THADA: variants seen among roughly 807,000 people sequenced by gnomAD.
THADA encodes the protein tRNA (32-2'-O)-methyltransferase regulator THADA.
THADA carries 213 observed loss-of-function variants against 219.8 expected under a neutral mutation model. The observed-to-expected ratio is 0.97, with a 90% CI of 0.87 to 1.09. THADA has a LOEUF of 1.09. Ranked by LOEUF, THADA falls within the 50% of genes least tolerant of loss-of-function variation. THADA has a pLI of 0.00. For missense variants in THADA, 2,956 were observed against 2,311.3 expected (o/e 1.28, Z -5.72); for synonymous variants, 1,018 against 828.9 (o/e 1.23, Z -3.92).
chr2:43,256,299 C>A (rs528263836), intron 36 of THADA, among the ~76,000 whole-genome samples: 1 of 151,890 alleles, frequency 6.6e-6, no homozygotes, highest in South Asian at 2.1e-4. Flanking sequence ...CACTTGAGCA[C>A]AGGAGTTTGA....
rs576480382 is a variant in THADA, at chr2:43,403,827, C to G, written c.4059-5688G>C. 9.7e-4 allele frequency among the ~76,000 whole-genome samples: 147 copies of G among 152,142 alleles called. 1 individual carries two copies. The highest frequency in any genetic ancestry group is 3.3e-3 in the African/African-American group (139 of 41,524). ...TATGTCTGACCCTGACCCCACACCCCCAACACACCCCCTAAAACCTCTCAC... is the reference window on the plus strand; with the variant it reads ...TATGTCTGACCCTGACCCCACACCCGCAACACACCCCCTAAAACCTCTCAC... On this transcript the variant is annotated intron_variant, in intron 28 of 37. Transcript: ENST00000405975.
intron 31 of THADA, among the ~76,000 whole-genome samples, chr2:43,314,341 G>A (rs1677839101): frequency 2.0e-5 from 3 of 150,534 alleles, no homozygotes; most frequent in Non-Finnish European, 3.0e-5. Context: ...ATAAAATGGA[G>A]ACTAGGAAAG....
chr2:43,457,376 C>T (rs1683141415), intron 26 of THADA, among the ~76,000 whole-genome samples: 1 of 152,120 alleles, frequency 6.6e-6, no homozygotes, highest in Non-Finnish European at 1.5e-5. Context: ...TTATTTGCTT[C>T]TTGGAAAAGG....
intron 24 of THADA, 71 bp from the exon 25 acceptor site, chr2:43,499,026 T>G: frequency 6.9e-7 from 1 of 1,442,904 alleles, no homozygotes; most frequent in South Asian, 1.5e-5. Context: ...ACATATCCAA[T>G]AGTACAGCTT....
chr2:43,234,257 G>A (rs1667768593), intron 36 of THADA, among the ~76,000 whole-genome samples: 1 of 152,230 alleles, frequency 6.6e-6, no homozygotes, highest in Admixed American at 6.5e-5. Context: ...CAATCCAGAG[G>A]TTTTGATGGT....
At chr2:43,492,595 T>A (rs546241786) in intron 25 of THADA, among the ~76,000 whole-genome samples, 16 of 152,302 alleles carry the variant, frequency 1.1e-4, no homozygotes, top group South Asian at 1.0e-3. Flanking sequence ...ACACTTAATA[T>A]TTTGTCTTGT....
At chr2:43,425,109 C>T (rs1335373070) in intron 28 of THADA, among the ~76,000 whole-genome samples, 1 of 152,174 alleles carries the variant, frequency 6.6e-6, no homozygotes, top group Non-Finnish European at 1.5e-5. Flanking sequence ...TTTGGTATAA[C>T]AGAAAGAGTA....
In THADA at chr2:43,504,514, C is replaced by T. The variant is rs575739639; in HGVS notation, c.3621+1108G>A. Among the ~76,000 whole-genome samples the T allele has an allele frequency of 4.6e-5, 7 of 152,338 alleles. No homozygotes were observed. The South Asian group carries it at 8.3e-4, about 18-fold the overall frequency. ...CTGAAATAAAATCATATGTACTTAT[C>T]GTACTTGATTGTAAACTTCAGCTCT... On this transcript the variant is annotated intron_variant, in intron 24 of 37. Coordinates refer to ENST00000405975, the MANE Select transcript of THADA (RefSeq NM_022065.5).
chr2:43,580,753 G>C (rs1312017257), intron 8 of THADA, among the ~76,000 whole-genome samples: 1 of 151,970 alleles, frequency 6.6e-6, no homozygotes, highest in Non-Finnish European at 1.5e-5. Flanking sequence ...GGTGGTGCAT[G>C]CCTGTAATCC....
At chr2:43,556,779 C>T (rs565424459) in intron 16 of THADA, among the ~76,000 whole-genome samples, 5 of 152,036 alleles carry the variant, frequency 3.3e-5, no homozygotes, top group Admixed American at 1.3e-4. Flanking sequence ...CAACAAAAAA[C>T]ACAGGCTTGG....
intron 21 of THADA, among the ~76,000 whole-genome samples, chr2:43,534,465 C>A (rs1044572831): frequency 2.6e-5 from 4 of 152,160 alleles, no homozygotes; most frequent in Non-Finnish European, 5.9e-5. Context: ...TTTCACAACT[C>A]TACCTATCTC....
chr2:43,360,197 C>T (rs182529547), intron 29 of THADA, among the ~76,000 whole-genome samples: 195 of 152,328 alleles, frequency 1.3e-3, no homozygotes, highest in African/African-American at 3.8e-3. Context: ...ATCTGAACCA[C>T]TCATTTGGCA....
At chr2:43,498,412 AAAAATAAC>A (rs1453571881) in intron 25 of THADA, among the ~76,000 whole-genome samples, 2 of 152,246 alleles carry the variant, frequency 1.3e-5, no homozygotes, top group African/African-American at 2.4e-5. Context: ...CTATTTAAAG[AAAAATAAC>A]AACAATGTAG....
At chr2:43,488,754 AAAGTGGTAGCACCATTTC>A (rs1687227591) in intron 25 of THADA, among the ~76,000 whole-genome samples, 1 of 152,224 alleles carries the variant, frequency 6.6e-6, no homozygotes, top group Admixed American at 6.5e-5. Context: ...AAGAACTGCC[AAAGTGGTAGCACCATTTC>A]ATAGTCTCAC....
intron 36 of THADA, among the ~76,000 whole-genome samples, chr2:43,275,284 C>T (rs572937318): frequency 2.0e-4 from 31 of 152,248 alleles, no homozygotes; most frequent in African/African-American, 7.2e-4. Flanking sequence ...GGATTAGATG[C>T]GTGAGCCACC....
At chr2:43,505,900 C>G (rs921472828) in intron 23 of THADA, among the ~76,000 whole-genome samples, 165 bp from the exon 24 acceptor site, 2 of 152,192 alleles carry the variant, frequency 1.3e-5, no homozygotes, top group African/African-American at 4.8e-5. Flanking sequence ...TTTAACCTCA[C>G]AGTTGAACCT....
At chr2:43,373,278 T>C (rs1228416162) in intron 29 of THADA, among the ~76,000 whole-genome samples, 1 of 152,136 alleles carries the variant, frequency 6.6e-6, no homozygotes, top group East Asian at 1.9e-4. Flanking sequence ...TGTTCAAGAA[T>C]TAAAACAAAA....
intron 34 of THADA, among the ~76,000 whole-genome samples, chr2:43,291,176 G>A (rs572069638): frequency 6.6e-6 from 1 of 151,924 alleles, no homozygotes; most frequent in African/African-American, 2.4e-5. Context: ...CAGGCTGGGC[G>A]CAGTGGCCCA....
chr2:43,329,747 T>C (rs535810453), intron 30 of THADA, among the ~76,000 whole-genome samples: 3 of 152,282 alleles, frequency 2.0e-5, no homozygotes, highest in East Asian at 1.9e-4. Context: ...AAGTGAGACA[T>C]TGGGCCAAGC....
Sources: allele counts gnomAD v4.1 joint callset (sites outside exome capture counted in the v4.1 genomes callset), GRCh38; gene constraint gnomAD v4.1.1; transcripts MANE v1.5; gene names NCBI Gene and HGNC (gene_info 2026-07-23, HGNC 2026-07-21).